Variants in SV2C observed in about 807,000 individuals in gnomAD.
The protein encoded by SV2C is synaptic vesicle glycoprotein 2C, also known as solute carrier family 22 member B3.
A neutral mutation model predicts 79.7 loss-of-function variants in SV2C; 49 were observed. The ratio of observed to expected loss-of-function variants is 0.61; its 90% CI spans 0.49 to 0.78. The LOEUF (loss-of-function observed/expected upper bound fraction) is 0.78, where lower values mean the gene tolerates loss of function less well. SV2C is among the 30% of genes least tolerant of loss of function. The pLI is 0.00. For synonymous variants in SV2C, 334 were observed against 333.2 expected (o/e 1.00, Z -0.03); for missense variants, 833 against 912.9 (o/e 0.91, Z 1.13).
chr5:75,888,369 A>G, the SV2C span, among the ~76,000 whole-genome samples: 154 of 151,674 alleles, frequency 1.0e-3, 1 homozygote, highest in Non-Finnish European at 1.9e-3. Flanking sequence ...TAAAATCCAA[A>G]CTCTTTACCA....
Position 76,333,842 on chromosome 5 carries a change from G to A in SV2C, c.*8295G>A, listed in dbSNP as rs533812332. The A allele has an allele frequency of 1.3e-5, 2 of 152,276 alleles. No homozygotes were observed. Among genetic ancestry groups the A allele is most frequent in the African/African-American group, 4.8e-5 (2 of 41,546 alleles). The allele number at this position is 152,276 out of a possible 1,614,324, so 9.4% of individuals were successfully genotyped here. A position where few individuals can be genotyped will look rare whatever the true frequency, so the allele number is the denominator to read the frequency against. On this transcript the variant is annotated 3_prime_UTR_variant, in exon 13 of 13. Transcript: ENST00000502798. Reference sequence around the variant, plus strand: ...GCATAAATCTATCAAACTTGGAATTGTGTATACATTTATATGCCAGATAAC... The same window carrying A: ...GCATAAATCTATCAAACTTGGAATTATGTATACATTTATATGCCAGATAAC...
chr5:75,933,745 C>G, the SV2C span, among the ~76,000 whole-genome samples: 1 of 152,176 alleles, frequency 6.6e-6, no homozygotes, highest in African/African-American at 2.4e-5. Context: ...TCTTAATTAC[C>G]CCTTTCTTCT....
intron 4 of SV2C, among the ~76,000 whole-genome samples, chr5:76,255,426 C>T (rs929515162): frequency 1.3e-5 from 2 of 152,170 alleles, no homozygotes; most frequent in Non-Finnish European, 2.9e-5. Context: ...CTGTCTTCCT[C>T]CACCCCAGAA....
the SV2C span, among the ~76,000 whole-genome samples, chr5:75,983,473 C>T: frequency 3.9e-5 from 6 of 151,936 alleles, no homozygotes; most frequent in East Asian, 1.9e-4. Context: ...CTGCAATCAC[C>T]GATGGTCATG....
At chr5:76,048,312 A>T in the SV2C span, among the ~76,000 whole-genome samples, 1 of 152,190 alleles carries the variant, frequency 6.6e-6, no homozygotes, top group Non-Finnish European at 1.5e-5. Flanking sequence ...CGAGGGCAAG[A>T]GAAGATGGAT....
At chr5:75,947,323 C>G in the SV2C span, among the ~76,000 whole-genome samples, 2 of 151,870 alleles carry the variant, frequency 1.3e-5, no homozygotes. Context: ...TCAATGATCA[C>G]TCCCTCCATA....
chr5:75,982,216 AACTT>A, the SV2C span, among the ~76,000 whole-genome samples: 9 of 118,294 alleles, frequency 7.6e-5, no homozygotes, highest in African/African-American at 1.1e-4. Context: ...TGTACCCTAA[AACTT>A]AATTAAAAAA....
intron 2 of SV2C, among the ~76,000 whole-genome samples, chr5:76,151,286 G>T (rs1222719274): frequency 1.3e-5 from 2 of 152,206 alleles, no homozygotes; most frequent in African/African-American, 4.8e-5. Flanking sequence ...GTTCCAGTTT[G>T]TCGAAGTGTA....
chr5:75,969,713 C>T, the SV2C span, among the ~76,000 whole-genome samples: 1 of 152,178 alleles, frequency 6.6e-6, no homozygotes, highest in Non-Finnish European at 1.5e-5. Flanking sequence ...GACTCCCACT[C>T]AATAATAATG....
chr5:75,901,772 C>T, the SV2C span, among the ~76,000 whole-genome samples: 2 of 152,236 alleles, frequency 1.3e-5, no homozygotes, highest in Non-Finnish European at 2.9e-5. Context: ...CTTTGTTTAC[C>T]TAAGCAAGCC....
chr5:76,194,035 G>A (rs1744189437), intron 2 of SV2C, among the ~76,000 whole-genome samples: 1 of 152,142 alleles, frequency 6.6e-6, no homozygotes, highest in Admixed American at 6.5e-5. Flanking sequence ...TGTTACTCAT[G>A]CTTTCTGTAG....
At chr5:76,270,368 G>A (rs1036460789) in intron 4 of SV2C, among the ~76,000 whole-genome samples, 8 of 152,190 alleles carry the variant, frequency 5.3e-5, no homozygotes, top group African/African-American at 9.7e-5. Flanking sequence ...GGAAAGCCCC[G>A]TTCCTGTCTG....
At chr5:76,349,051 C>G (rs1353006891) in intron 12 of SV2C, among the ~76,000 whole-genome samples, 1 of 152,014 alleles carries the variant, frequency 6.6e-6, no homozygotes, top group African/African-American at 2.4e-5. Flanking sequence ...GGGTCCATTT[C>G]CATACTCTAT....
intron 1 of SV2C, among the ~76,000 whole-genome samples, chr5:76,085,951 C>A (rs1398959234): frequency 4.6e-5 from 7 of 151,936 alleles, no homozygotes; most frequent in Non-Finnish European, 1.0e-4. Context: ...AGACAGCAGA[C>A]TTTTCCTAAC....
the SV2C span, among the ~76,000 whole-genome samples, chr5:76,074,096 G>A: frequency 6.6e-6 from 1 of 152,146 alleles, no homozygotes; most frequent in Non-Finnish European, 1.5e-5. Context: ...AACTTCCTCT[G>A]CAGTGAAGGC....
chr5:76,215,171 A>G (rs961835935), intron 4 of SV2C, among the ~76,000 whole-genome samples: 1 of 152,194 alleles, frequency 6.6e-6, no homozygotes, highest in Non-Finnish European at 1.5e-5. Flanking sequence ...AGGTACATCA[A>G]TAGTTTTTAA....
At chr5:76,344,028 C>G (rs547978278) in intron 12 of SV2C, among the ~76,000 whole-genome samples, 1 of 151,984 alleles carries the variant, frequency 6.6e-6, no homozygotes, top group South Asian at 2.1e-4. Context: ...CAAATAACAA[C>G]CGCAACAACA....
chr5:76,213,300 T>C (rs1257163131), intron 4 of SV2C, among the ~76,000 whole-genome samples: 5 of 152,224 alleles, frequency 3.3e-5, no homozygotes, highest in Admixed American at 3.3e-4. Context: ...TAATTTTTGT[T>C]TTAAAGTTTA....
chr5:76,159,034 A>G (rs1217540190), intron 2 of SV2C, among the ~76,000 whole-genome samples: 2 of 152,114 alleles, frequency 1.3e-5, no homozygotes, highest in African/African-American at 2.4e-5. Flanking sequence ...AATAAAAAAC[A>G]AAACCATGAT....
Sources: gnomAD v4.1 joint callset for allele counts (sites outside exome capture counted in the v4.1 genomes callset) on GRCh38, gnomAD v4.1.1 for gene constraint, MANE v1.5 for transcripts, NCBI Gene and HGNC (gene_info 2026-07-23, HGNC 2026-07-21) for gene names.